Variants in CEP170B observed in about 807,000 individuals in gnomAD.
CEP170B encodes centrosomal protein 170B, also known as centrosomal protein of 170 kDa protein B.
A neutral mutation model predicts 120.6 loss-of-function variants in CEP170B; 55 were observed. The observed-to-expected ratio is 0.46, with a 90% CI of 0.37 to 0.57. CEP170B has a LOEUF of 0.57. CEP170B is among the 20% of genes least tolerant of loss of function. The pLI is 0.00. For synonymous variants in CEP170B, 1,033 were observed against 954.5 expected (o/e 1.08, Z -1.52); for missense variants, 2,212 against 2,253.3 (o/e 0.98, Z 0.37).
Position 104,884,477 on chromosome 14 carries a change from C to T in CEP170B, c.1698C>T (p.Asp566=), listed in dbSNP as rs745317070. ...AGGAGGAGGACGACAGCCTCAGTGA[C>T]GCAGGGACATACACCATCGAGACCG... The part of the protein sequence containing the change: ...RKQEEDDSLS[D]AGTYTIETEA... The change falls in exon 9 of 19, where the codon GAC becomes GAT. Residue 566 remains aspartate, a synonymous_variant. Coordinates refer to ENST00000414716, the MANE Select transcript of CEP170B (RefSeq NM_001112726.3). The T allele has an allele frequency of 1.7e-5, 26 of 1,563,062 alleles. No homozygotes were observed. Among genetic ancestry groups the T allele is most frequent in the African/African-American group, 6.8e-5 (5 of 73,642 alleles).
At position 104,894,888 on chromosome 14, in the gene CEP170B, G is replaced by C. The variant is rs746008490; in HGVS notation, c.4595G>C (p.Arg1532Pro). The change falls in exon 19 of 19, where the codon CGG (arginine) becomes CCG (proline). Residue 1532 changes from arginine to proline, a missense_variant. Physicochemically the swap from Arg to Pro is moderately radical, Grantham distance 103. Coordinates refer to ENST00000414716, the MANE Select transcript of CEP170B (RefSeq NM_001112726.3). ...CTGCCCCTGAGGAATTTCCCACAGC[G>C]GGCCAGCTGTGGGCCTCCCAGCCTC... ...PALPLRNFPQ[R>P]ASCGPPSLPD... The C allele has an allele frequency of 4.4e-6, 7 of 1,603,236 alleles. No individual in the cohort carries two copies. Among genetic ancestry groups the C allele is most frequent in the East Asian group, 2.3e-5 (1 of 44,280 alleles).
At position 104,887,222 on chromosome 14, in the gene CEP170B, C is replaced by G; in HGVS notation, c.2983C>G (p.Pro995Ala). 1 of 1,605,906 alleles carries G rather than the reference C, an allele frequency of 6.2e-7. No homozygotes were observed. The highest frequency in any genetic ancestry group is 8.5e-7 in the Non-Finnish European group (1 of 1,179,632). Residue 995 changes from proline (P) to alanine (A), a missense_variant, in exon 12 of 19, where the codon CCG becomes GCG. By Grantham distance (27) the Pro-to-Ala change is conservative. This residue lies in a region of CEP170B where 2,166 missense variants were observed against 2,166.7 expected (regional missense o/e 1.00). Coordinates refer to ENST00000414716, the MANE Select transcript of CEP170B (RefSeq NM_001112726.3). ...MSPSPPAAQD[P>A]GGTALVSARE... is the part of the protein sequence containing the mutation. ...GCCATCCCCGCCAGCTGCACAGGAC[C>G]CGGGAGGCACCGCCCTGGTCAGTGC...
intron 11 of CEP170B, 23 bp downstream of exon 11, chr14:104,886,153 G>A (rs1392201719): frequency 2.0e-6 from 3 of 1,516,056 alleles, no homozygotes; most frequent in East Asian, 2.5e-5. Flanking sequence ...AGTGCTGCGG[G>A]GGAGTCGGGC....
At position 104,887,337 on chromosome 14, in the gene CEP170B, G is replaced by T; in HGVS notation, c.3098G>T (p.Arg1033Leu). Residue 1033 changes from arginine to leucine, a missense_variant, in exon 12 of 19, where the codon CGT (arginine) becomes CTT (leucine). Arg to Leu is a moderately radical substitution (Grantham distance 102). Around this residue, in one of 2 missense-constraint regions of CEP170B, gnomAD observed 2,166 missense variants for 2,166.7 expected, o/e 1.00. Coordinates refer to ENST00000414716, the MANE Select transcript of CEP170B (RefSeq NM_001112726.3). ...CCGGTACGGCGCTCAGCCATAAGGC[G>T]TGGCCACAGGCCCCGAGGGTCCCTG... ...GEPVRRSAIR[R>L]GHRPRGSLDW... is the part of the protein sequence containing the mutation. The T allele has an allele frequency of 1.9e-6, 3 of 1,611,340 alleles. No individual in the cohort carries two copies. The highest frequency in any genetic ancestry group is 2.5e-6 in the Non-Finnish European group (3 of 1,179,416).
intron 2 of CEP170B, among the ~76,000 whole-genome samples, chr14:104,872,123 T>TCGTGTGTGTG (rs1201802371): frequency 3.4e-5 from 5 of 145,904 alleles, no homozygotes; most frequent in African/African-American, 1.3e-4. Flanking sequence ...CGTGTGTGCG[T>TCGTGTGTGTG]CGTGTGTGTG....
chr14:104,892,909 G>A lies in CEP170B; in HGVS notation c.3879-67G>A. 4 of 1,516,002 alleles carry A rather than the reference G, an allele frequency of 2.6e-6. No individual in the cohort carries two copies. In the South Asian group the frequency reaches 4.8e-5, roughly 18 times the overall value. The allele number at this position is 1,516,002 out of a possible 1,614,324, so 93.9% of individuals were successfully genotyped here. On this transcript the variant is annotated intron_variant, in intron 13 of 18. Coordinates refer to ENST00000414716, the MANE Select transcript of CEP170B (RefSeq NM_001112726.3). ...CCTGGGAGCTGGGAGGGGCTTTGAG[G>A]CCTGTCTGGCCCCTGCTGCCCCGAC...
Position 104,894,925 on chromosome 14 carries a change from C to G in CEP170B, c.4632C>G (p.Thr1544=). 1 of 1,593,828 alleles carries G rather than the reference C, an allele frequency of 6.3e-7. No homozygotes were observed. The highest frequency in any genetic ancestry group is 8.5e-7 in the Non-Finnish European group (1 of 1,170,454). ...SCGPPSLPDP[T]FLPDAERFLI ...GGCCTCCCAGCCTCCCGGACCCCAC[C>G]TTCCTCCCTGATGCCGAGAGGTTCC... Residue 1544 remains threonine (T), a synonymous_variant, in exon 19 of 19, where the codon ACC becomes ACG. Transcript: ENST00000414716.
chr14:104,872,239 G>A (rs531685974), intron 2 of CEP170B, among the ~76,000 whole-genome samples: 4 of 144,518 alleles, frequency 2.8e-5, no homozygotes, highest in African/African-American at 1.0e-4. Context: ...CCGTGCGTGT[G>A]TGCGTGTGTG....
Position 104,886,740 on chromosome 14 carries a change from A to T in CEP170B, c.2501A>T (p.Asp834Val), listed in dbSNP as rs747928370. The T allele has an allele frequency of 2.3e-5, 37 of 1,609,056 alleles. No homozygotes were observed. Among genetic ancestry groups the T allele is most frequent in the Admixed American group, 3.3e-5 (2 of 59,780 alleles). ...QTAQPSPPAR[D>V]GVYVSANGRM... ...GCCCAGCCCAGCCCCCCAGCACGGG[A>T]TGGCGTCTATGTCAGTGCCAATGGG... Residue 834 changes from aspartate to valine, a missense_variant, in exon 12 of 19, where the codon GAT (aspartate) becomes GTT (valine). Coordinates refer to ENST00000414716, the MANE Select transcript of CEP170B (RefSeq NM_001112726.3).
Position 104,886,879 on chromosome 14 carries a change from C to T in CEP170B, c.2640C>T (p.Pro880=), listed in dbSNP as rs748244926. 6.2e-6 allele frequency: 10 copies of T among 1,610,518 alleles called. No individual in the cohort carries two copies. The highest frequency in any genetic ancestry group is 1.7e-5 in the Admixed American group (1 of 60,026). Residue 880 remains proline, a synonymous_variant, in exon 12 of 19, where the codon CCC becomes CCT. Coordinates refer to ENST00000414716, the MANE Select transcript of CEP170B (RefSeq NM_001112726.3). ...AGCCAGCCAGTGGTCCCCCAGCGCC[C>T]GGCAAGCCCCCCCACATCTCCAGCC... is the stretch of plus-strand genomic sequence containing the variant. The part of the protein sequence containing the change: ...TKEPASGPPA[P]GKPPHISSHP...
chr14:104,874,780 G>A (rs959640706), intron 2 of CEP170B, among the ~76,000 whole-genome samples: 1 of 124,878 alleles, frequency 8.0e-6, no homozygotes, highest in Non-Finnish European at 1.6e-5. Flanking sequence ...CGCAACCACC[G>A]TGGCTTGAGC....
Position 104,890,740 on chromosome 14 carries a change from GATGA to G in CEP170B, c.3878+986_3878+989del, listed in dbSNP as rs1244108105. On this transcript the variant is annotated intron_variant, in intron 13 of 18. Coordinates refer to ENST00000414716, the MANE Select transcript of CEP170B (RefSeq NM_001112726.3). ...TGAGTGGTGGGTGGATGGATGGATG[GATGA>G]ATGGATGAGTGAGTGGGTGGATGGA... Among the ~76,000 whole-genome samples, 65 of 135,394 alleles carry G rather than the reference GATGA, an allele frequency of 4.8e-4. 3 individuals carry two copies. Among genetic ancestry groups the G allele is most frequent in the Admixed American group, 1.4e-3 (19 of 13,852 alleles). 88.8% of individuals were successfully genotyped at this position (135,394 alleles called of 152,430 possible).
At position 104,887,432 on chromosome 14, in the gene CEP170B, C is replaced by T; in HGVS notation, c.3193C>T (p.His1065Tyr). Residue 1065 changes from histidine to tyrosine, a missense_variant, in exon 12 of 19, where the codon CAC (histidine) becomes TAC (tyrosine). His to Tyr is a moderately conservative substitution (Grantham distance 83). Around this residue, in one of 2 missense-constraint regions of CEP170B, gnomAD observed 2,166 missense variants for 2,166.7 expected, o/e 1.00. Transcript: ENST00000414716. ...LPSSDVMASN[H>Y]ETPEATGAGR... Reference sequence around the variant, plus strand: ...CAGCTCAGATGTGATGGCCTCCAACCACGAAACCCCTGAGGCCACCGGGGC... The same window carrying T: ...CAGCTCAGATGTGATGGCCTCCAACTACGAAACCCCTGAGGCCACCGGGGC... 3 of 1,611,446 alleles carry T rather than the reference C, an allele frequency of 1.9e-6. No individual in the cohort carries two copies. Among genetic ancestry groups the T allele is most frequent in the Non-Finnish European group, 2.5e-6 (3 of 1,179,288 alleles).
intron 12 of CEP170B, 48 bp from the exon 13 acceptor site, chr14:104,889,572 G>T: frequency 6.2e-7 from 1 of 1,603,204 alleles, no homozygotes. Flanking sequence ...GAGGAGTACG[G>T]CTCCCGCCAC....
chr14:104,883,828 C>A lies in CEP170B; in HGVS notation c.1052-3C>A, dbSNP rs1267335759. On this transcript the variant is annotated splice_region_variant and splice_polypyrimidine_tract_variant and intron_variant, in intron 8 of 18. Transcript: ENST00000414716. The stretch of plus-strand genomic sequence containing the variant: ...ACAAGGTGGGGTCCCCTGTCTCCCC[C>A]AGGCCACAAGCACGAGGACGGCACG... 1 of 1,540,670 alleles carries A rather than the reference C, an allele frequency of 6.5e-7. No individual in the cohort carries two copies. Among genetic ancestry groups the A allele is most frequent in the Non-Finnish European group, 8.8e-7 (1 of 1,142,800 alleles).
At chr14:104,874,269 C>T (rs559222444) in intron 2 of CEP170B, among the ~76,000 whole-genome samples, 2 of 152,342 alleles carry the variant, frequency 1.3e-5, no homozygotes, top group South Asian at 2.1e-4. Context: ...CCCCCAACCC[C>T]TCCGGCAGAG....
chr14:104,888,095 C>A (rs1595352576), intron 12 of CEP170B, 117 bp downstream of exon 12: 2 of 1,142,536 alleles, frequency 1.8e-6, no homozygotes, highest in Non-Finnish European at 1.2e-6. Context: ...ACGAGAGGAG[C>A]CTCTGTTCCC....
chr14:104,889,944 GGATGGATGAA>G, intron 13 of CEP170B, among the ~76,000 whole-genome samples, 186 bp downstream of exon 13: 2 of 78,188 alleles, frequency 2.6e-5, no homozygotes, highest in South Asian at 4.7e-4. Flanking sequence ...ATGGATGGAT[GGATGGATGAA>G]TGGATGGATG....
At chr14:104,889,596 A>C in intron 12 of CEP170B, 24 bp from the exon 13 acceptor site, 2 of 1,608,242 alleles carry the variant, frequency 1.2e-6, no homozygotes, top group Non-Finnish European at 1.7e-6. Context: ...TCCCCCAAAC[A>C]CACACGCTCC....
Sources: allele counts gnomAD v4.1 joint callset (sites outside exome capture counted in the v4.1 genomes callset), GRCh38; gene constraint gnomAD v4.1.1; regional missense constraint gnomAD v4.1.1; transcripts MANE v1.5; gene names NCBI Gene and HGNC (gene_info 2026-07-23, HGNC 2026-07-21).